Variants in MAGI2 observed in about 807,000 individuals in gnomAD.
MAGI2 encodes membrane-associated guanylate kinase, WW and PDZ domain-containing protein 2.
A neutral mutation model predicts 133.3 loss-of-function variants in MAGI2; 35 were observed. The observed-to-expected ratio is 0.26, with a 90% CI of 0.20 to 0.35. The LOEUF (loss-of-function observed/expected upper bound fraction) is 0.35, where lower values mean the gene tolerates loss of function less well. Among genes scored for constraint, MAGI2 ranks in the 10% least tolerant of loss-of-function variants. MAGI2 has a pLI of 1.00. For missense variants in MAGI2, 1,636 were observed against 1,863.4 expected, an observed-to-expected ratio of 0.88 and a Z score of 2.25; for synonymous variants, 729 against 710.6, an observed-to-expected ratio of 1.03 and a Z score of -0.41.
chr7:78,052,851 T>A (rs11764878), intron 21 of MAGI2, among the ~76,000 whole-genome samples: 6,406 of 152,246 alleles, frequency 0.042, 173 homozygotes, highest in South Asian at 0.076. Context: ...CAAGGATTTT[T>A]TTTTTTGGTA....
At chr7:78,700,114 G>A (rs374638037) in intron 2 of MAGI2, among the ~76,000 whole-genome samples, 7 of 152,138 alleles carry the variant, frequency 4.6e-5, no homozygotes, top group South Asian at 2.1e-4. Flanking sequence ...TGTATGACCC[G>A]CCAAGCTAAG....
chr7:78,490,093 C>A, intron 5 of MAGI2: 1 of 453,432 alleles, frequency 2.2e-6, no homozygotes, highest in South Asian at 6.1e-5. Flanking sequence ...AAGTTAACCT[C>A]ATTGAAAATG....
chr7:79,091,796 A>T (rs1817077916), intron 1 of MAGI2, among the ~76,000 whole-genome samples: 1 of 151,974 alleles, frequency 6.6e-6, no homozygotes, highest in Non-Finnish European at 1.5e-5. Context: ...ATAAAACTTT[A>T]TTTATGAACA....
rs189244872 is a variant in MAGI2, at chr7:78,655,777, C to T, written c.419-28538G>A. On this transcript the variant is annotated intron_variant, in intron 2 of 21. Transcript: ENST00000354212. ...CGGGCGGATCACGAGGTCAGGAGAT[C>T]GAGACCATCCTGGCTAACACGGTGA... 4.7e-4 allele frequency among the ~76,000 whole-genome samples: 71 copies of T among 151,932 alleles called. 1 individual carries two copies. In the East Asian group the frequency reaches 0.013, roughly 27 times the overall value.
intron 1 of MAGI2, among the ~76,000 whole-genome samples, chr7:79,136,103 AAGAAAG>A (rs1234638879): frequency 3.4e-5 from 5 of 148,800 alleles, no homozygotes; most frequent in African/African-American, 4.9e-5. Context: ...GAAAGAAAGA[AAGAAAG>A]AAAGAAAGAA....
chr7:78,839,337 C>A (rs1791926033), intron 2 of MAGI2, among the ~76,000 whole-genome samples: 1 of 152,088 alleles, frequency 6.6e-6, no homozygotes, highest in Non-Finnish European at 1.5e-5. Flanking sequence ...TTAGTGCATT[C>A]AACTTAAGTC....
chr7:78,397,397 A>ACACACC (rs1465475656), intron 6 of MAGI2, among the ~76,000 whole-genome samples: 11 of 147,074 alleles, frequency 7.5e-5, no homozygotes, highest in South Asian at 2.2e-4. Flanking sequence ...ACACACACAC[A>ACACACC]CCCCTTGTCT....
chr7:78,604,117 C>A (rs6466310), intron 3 of MAGI2, among the ~76,000 whole-genome samples: 29,231 of 151,974 alleles, frequency 0.19, 2,895 homozygotes, highest in Middle Eastern at 0.23. Flanking sequence ...GGAGTCATGA[C>A]CATTTTATTG....
At chr7:78,723,456 C>T (rs1428430461) in intron 2 of MAGI2, among the ~76,000 whole-genome samples, 1 of 152,066 alleles carries the variant, frequency 6.6e-6, no homozygotes, top group Non-Finnish European at 1.5e-5. Context: ...CCAAATATTG[C>T]AAAACATTGA....
At chr7:78,446,930 T>G (rs1788204167) in intron 6 of MAGI2, among the ~76,000 whole-genome samples, 1 of 152,082 alleles carries the variant, frequency 6.6e-6, no homozygotes. Context: ...ACCAATCAAC[T>G]GTGGCCCGTT....
intron 6 of MAGI2, among the ~76,000 whole-genome samples, chr7:78,462,508 T>C (rs766087283): frequency 6.6e-6 from 1 of 152,204 alleles, no homozygotes; most frequent in Admixed American, 6.5e-5. Flanking sequence ...ATATTGAAAA[T>C]CTATTGCCAT....
intron 2 of MAGI2, among the ~76,000 whole-genome samples, chr7:78,680,296 T>C (rs544543031): frequency 6.6e-6 from 1 of 152,270 alleles, no homozygotes; most frequent in African/African-American, 2.4e-5. Context: ...TATTTGGGTA[T>C]ATAAAGCATG....
chr7:78,922,527 A>G (rs570384051), intron 2 of MAGI2, among the ~76,000 whole-genome samples: 1 of 151,552 alleles, frequency 6.6e-6, no homozygotes, highest in African/African-American at 2.4e-5. Context: ...TGAACTCATC[A>G]TTTTTTATGG....
At chr7:79,327,609 G>T (rs183805698) in intron 1 of MAGI2, among the ~76,000 whole-genome samples, 2 of 152,194 alleles carry the variant, frequency 1.3e-5, no homozygotes, top group African/African-American at 4.8e-5. Context: ...TGCAGTCAAA[G>T]AGTTTTTTCA....
intron 1 of MAGI2, among the ~76,000 whole-genome samples, chr7:79,380,322 G>A (rs905887102): frequency 6.6e-6 from 1 of 151,700 alleles, no homozygotes; most frequent in Non-Finnish European, 1.5e-5. Context: ...TTTGATAACC[G>A]TTTTACTCCT....
At chr7:79,419,527 A>C (rs1846786807) in intron 1 of MAGI2, among the ~76,000 whole-genome samples, 1 of 152,026 alleles carries the variant, frequency 6.6e-6, no homozygotes, top group Admixed American at 6.6e-5. Flanking sequence ...TTAGCTTTGA[A>C]TCTTCCAAAT....
Position 78,337,656 on chromosome 7 carries a change from T to G in MAGI2, c.1408+6122A>C, listed in dbSNP as rs143699349. 1.1e-4 allele frequency among the ~76,000 whole-genome samples: 17 copies of G among 152,332 alleles called. No homozygotes were observed. The East Asian group carries it at 3.3e-3, about 29-fold the overall frequency. On this transcript the variant is annotated intron_variant, in intron 9 of 21. Transcript: ENST00000354212. ...CATTTATATCTGTAGCATCTATTAT[T>G]TGTGTTAATTTTTGAGGTTCATTTG...
chr7:78,503,831 A>G (rs1272191197), intron 4 of MAGI2, among the ~76,000 whole-genome samples: 1 of 151,458 alleles, frequency 6.6e-6, no homozygotes, highest in Non-Finnish European at 1.5e-5. Flanking sequence ...CATCCTGTGA[A>G]CAAGGTGCCT....
chr7:79,268,528 T>C (rs529777374), intron 1 of MAGI2, among the ~76,000 whole-genome samples: 9 of 152,350 alleles, frequency 5.9e-5, no homozygotes, highest in African/African-American at 2.2e-4. Flanking sequence ...CAAAACCATA[T>C]TACTCATAAC....
Sources: gnomAD v4.1 joint callset for allele counts (sites outside exome capture counted in the v4.1 genomes callset) on GRCh38, gnomAD v4.1.1 for gene constraint, MANE v1.5 for transcripts, NCBI Gene and HGNC (gene_info 2026-07-23, HGNC 2026-07-21) for gene names.